HIVEP1: variants seen among roughly 807,000 people sequenced by gnomAD.
HIVEP1 encodes the protein HIVEP zinc finger 1, also known as zinc finger protein 40.
In HIVEP1, 36 loss-of-function variants were observed where a neutral mutation model predicts 180.0. The ratio of observed to expected loss-of-function variants is 0.20; its 90% CI spans 0.15 to 0.26. HIVEP1 has a LOEUF of 0.26. Ranked by LOEUF, HIVEP1 falls within the 10% of genes least tolerant of loss-of-function variation. The pLI, the probability that HIVEP1 is intolerant of heterozygous loss-of-function variation, is 1.00. For synonymous variants in HIVEP1, 1,239 were observed against 1,239.0 expected (o/e 1.00, Z 0.00); for missense variants, 3,143 against 3,268.7 (o/e 0.96, Z 0.94).
At chr6:12,210,878 G>T in the HIVEP1 span, among the ~76,000 whole-genome samples, 2 of 94,378 alleles carry the variant, frequency 2.1e-5, no homozygotes, top group East Asian at 4.1e-4. Context: ...TCCTTCTGTG[G>T]TGTTAAAAAA....
the HIVEP1 span, among the ~76,000 whole-genome samples, chr6:12,184,554 C>T: frequency 2.6e-5 from 4 of 152,208 alleles, no homozygotes. Flanking sequence ...ATTTTAATTT[C>T]ATTGCAATCA....
chr6:12,125,118 A>T lies in HIVEP1; in HGVS notation c.5323A>T (p.Thr1775Ser). 1 of 1,613,646 alleles carries T rather than the reference A, an allele frequency of 6.2e-7. No homozygotes were observed. The highest frequency in any genetic ancestry group is 8.5e-7 in the Non-Finnish European group (1 of 1,179,860). The change falls in exon 4 of 9, where the codon ACA becomes TCA. Residue 1775 changes from threonine to serine, a missense_variant. Thr to Ser is a moderately conservative substitution (Grantham distance 58). Transcript: ENST00000379388. ...AGATGAAAATGGAGCTGTTTGTGCA[A>T]CAGACGTGAGACCTTTAGAGGCTTT... The part of the protein sequence containing the change: ...AKDENGAVCA[T>S]DVRPLEALSS...
intron 2 of HIVEP1, among the ~76,000 whole-genome samples, chr6:12,074,643 T>TGTGTGTGTGTGTGTGTATTTGTGTGC (rs573970756): frequency 8.8e-5 from 13 of 148,146 alleles, no homozygotes; most frequent in Non-Finnish European, 1.8e-4. Context: ...TGTGTGTGTG[T>TGTGTGTGTGTGTGTGTATTTGTGTGC]GCGCGCGCGT....
intron 2 of HIVEP1, among the ~76,000 whole-genome samples, chr6:12,054,260 A>G (rs147827374): frequency 2.4e-4 from 37 of 152,370 alleles, no homozygotes; most frequent in African/African-American, 8.2e-4. Flanking sequence ...TATGAAAAAC[A>G]GTATATAGTC....
intron 2 of HIVEP1, among the ~76,000 whole-genome samples, chr6:12,054,924 G>C (rs1178081523): frequency 6.6e-6 from 1 of 152,154 alleles, no homozygotes; most frequent in Non-Finnish European, 1.5e-5. Flanking sequence ...AGTTACCTTT[G>C]TTAGCTTCAG....
At chr6:12,182,446 T>C in the HIVEP1 span, among the ~76,000 whole-genome samples, 2 of 152,200 alleles carry the variant, frequency 1.3e-5, no homozygotes, top group Non-Finnish European at 2.9e-5. Flanking sequence ...TTGGTGACTC[T>C]AAGAGATCTA....
At chr6:12,152,343 G>A (rs563489487) in intron 7 of HIVEP1, among the ~76,000 whole-genome samples, 5 of 152,154 alleles carry the variant, frequency 3.3e-5, no homozygotes, top group South Asian at 4.1e-4. Context: ...CCCAGGCAAG[G>A]CACTTTTCCT....
intron 2 of HIVEP1, among the ~76,000 whole-genome samples, chr6:12,016,821 A>C (rs141350107): frequency 6.6e-6 from 1 of 152,320 alleles, no homozygotes; most frequent in East Asian, 1.9e-4. Flanking sequence ...CTAGAATCTG[A>C]ACTCCCTAGA....
rs73722703 is a variant in HIVEP1 at position 12,150,585 on chromosome 6, T to G, written c.6488-10854T>G. 5.8e-3 allele frequency among the ~76,000 whole-genome samples: 884 copies of G among 152,326 alleles called. 5 individuals carry two copies. Among genetic ancestry groups the G allele is most frequent in the African/African-American group, 0.02 (846 of 41,558 alleles). On this transcript the variant is annotated intron_variant, in intron 7 of 8. Coordinates refer to ENST00000379388, the MANE Select transcript of HIVEP1 (RefSeq NM_002114.4). ...GTAGAATATATTATCATCGGGATTT[T>G]TATAGAACACATTATTACTCTTTTT...
In HIVEP1 at chr6:12,163,267, C is replaced by G; in HGVS notation, c.6979-16C>G. ...AAAGACCTGTCATAAAAGGATTGCT[C>G]TCTCTTGTCATTTAGAGCCCATCAT... On this transcript the variant is annotated splice_polypyrimidine_tract_variant and intron_variant, in intron 8 of 8. Transcript: ENST00000379388. 1 of 1,594,066 alleles carries G rather than the reference C, an allele frequency of 6.3e-7. No homozygotes were observed. The highest frequency in any genetic ancestry group is 8.6e-7 in the Non-Finnish European group (1 of 1,165,560).
chr6:12,195,454 G>A, the HIVEP1 span, among the ~76,000 whole-genome samples: 2 of 152,126 alleles, frequency 1.3e-5, no homozygotes, highest in South Asian at 4.1e-4. Context: ...GATGTCAGCG[G>A]TTAAAAAAAT....
the HIVEP1 span, among the ~76,000 whole-genome samples, chr6:12,181,869 A>G: frequency 1.3e-5 from 2 of 152,056 alleles, no homozygotes; most frequent in African/African-American, 2.4e-5. Context: ...TTAAAATCCC[A>G]TTTTTTTCTC....
chr6:12,174,917 G>A, the HIVEP1 span, among the ~76,000 whole-genome samples: 1 of 152,144 alleles, frequency 6.6e-6, no homozygotes, highest in Non-Finnish European at 1.5e-5. Context: ...TGAATGATTT[G>A]TAAAATCTGT....
chr6:12,204,978 G>C, the HIVEP1 span, among the ~76,000 whole-genome samples: 1 of 152,178 alleles, frequency 6.6e-6, no homozygotes, highest in African/African-American at 2.4e-5. Flanking sequence ...GATAGCCAGA[G>C]GGAACAACCG....
intron 7 of HIVEP1, among the ~76,000 whole-genome samples, chr6:12,160,608 G>GA (rs1157805767): frequency 6.6e-6 from 1 of 152,040 alleles, no homozygotes; most frequent in East Asian, 1.9e-4. Context: ...AAGGCAAAAA[G>GA]AAAAAAACAA....
intron 2 of HIVEP1, among the ~76,000 whole-genome samples, chr6:12,017,715 G>C (rs1451098132): frequency 2.0e-5 from 3 of 152,174 alleles, no homozygotes; most frequent in Non-Finnish European, 4.4e-5. Flanking sequence ...AGTTCTCCAG[G>C]TCCCCACTAG....
chr6:12,187,755 G>C, the HIVEP1 span, among the ~76,000 whole-genome samples: 1 of 151,992 alleles, frequency 6.6e-6, no homozygotes, highest in African/African-American at 2.4e-5. Flanking sequence ...ACCAGGCCTT[G>C]CTAATTTTTT....
At chr6:12,140,076 C>T (rs980664643) in intron 7 of HIVEP1, among the ~76,000 whole-genome samples, 2 of 152,242 alleles carry the variant, frequency 1.3e-5, no homozygotes, top group African/African-American at 2.4e-5. Flanking sequence ...CTAGGAGACA[C>T]CTCCCCGTAG....
chr6:12,035,480 A>G (rs907409856), intron 2 of HIVEP1, among the ~76,000 whole-genome samples: 1 of 152,242 alleles, frequency 6.6e-6, no homozygotes, highest in African/African-American at 2.4e-5. Context: ...TCTAATTTCA[A>G]TGAAAAATTA....
Sources: gnomAD v4.1 joint callset for allele counts (sites outside exome capture counted in the v4.1 genomes callset) on GRCh38, gnomAD v4.1.1 for gene constraint, MANE v1.5 for transcripts, NCBI Gene and HGNC (gene_info 2026-07-23, HGNC 2026-07-21) for gene names.